CD9: variants seen among roughly 807,000 people sequenced by gnomAD.
CD9 encodes the protein CD9 antigen.
CD9 carries 10 observed loss-of-function variants against 31.4 expected under a neutral mutation model. The observed-to-expected ratio is 0.32, with a 90% confidence interval of 0.20 to 0.54. The LOEUF (loss-of-function observed/expected upper bound fraction) is 0.54. CD9 is among the 20% of genes least tolerant of loss of function. The pLI, the probability that CD9 is intolerant of heterozygous loss-of-function variation, is 0.94. For synonymous variants in CD9, 113 were observed against 114.1 expected, an observed-to-expected ratio of 0.99 and a Z score of 0.06; for missense variants, 259 against 300.1, an observed-to-expected ratio of 0.86 and a Z score of 1.01.
chr12:6,237,698 C>T lies in CD9; in HGVS notation c.622-65C>T, dbSNP rs1447912150. On this transcript the variant is annotated intron_variant, in intron 7 of 7. Coordinates refer to ENST00000009180, the MANE Select transcript of CD9 (RefSeq NM_001769.4). ...CTTGGACTGGGTGACCCATGTCTCTCCCTTTCCCTCAGCCTTCCTTCAGAT... is the reference window on the plus strand; with the variant it reads ...CTTGGACTGGGTGACCCATGTCTCTTCCTTTCCCTCAGCCTTCCTTCAGAT... 9 of 1,244,298 alleles carry T rather than the reference C, an allele frequency of 7.2e-6. No homozygotes were observed. The Admixed American group carries it at 1.6e-4, about 22-fold the overall frequency. The allele number at this position is 1,244,298 out of a possible 1,614,324, so 77.1% of individuals were successfully genotyped here. A position where few individuals can be genotyped will look rare whatever the true frequency, so the allele number is the denominator to read the frequency against.
At chr12:6,209,894 A>G (rs1257329884) in intron 1 of CD9, among the ~76,000 whole-genome samples, 1 of 152,154 alleles carries the variant, frequency 6.6e-6, no homozygotes, top group Non-Finnish European at 1.5e-5. Flanking sequence ...CACGTTGACC[A>G]GGCTGGTCTC....
intron 1 of CD9, among the ~76,000 whole-genome samples, chr12:6,210,967 G>A (rs1946187972): frequency 6.6e-6 from 1 of 151,690 alleles, no homozygotes; most frequent in Non-Finnish European, 1.5e-5. Context: ...CTCCCAAGTA[G>A]CTGGGATTAC....
At chr12:6,230,463 G>T (rs1417195449) in intron 2 of CD9, among the ~76,000 whole-genome samples, 2 of 152,250 alleles carry the variant, frequency 1.3e-5, no homozygotes, top group Non-Finnish European at 2.9e-5. Flanking sequence ...CTGGGATCTG[G>T]ACTTAGAGAA....
chr12:6,213,170 G>A (rs900666553), intron 1 of CD9, among the ~76,000 whole-genome samples: 2 of 152,182 alleles, frequency 1.3e-5, no homozygotes, highest in South Asian at 4.1e-4. Flanking sequence ...TTCTGCTGCT[G>A]TTGCTGTAGT....
chr12:6,225,575 C>A (rs1179391788), intron 2 of CD9, 41 bp downstream of exon 2: 2 of 1,335,514 alleles, frequency 1.5e-6, no homozygotes, highest in East Asian at 2.3e-5. Flanking sequence ...GACCCTGGCT[C>A]CAACAAAGTT....
chr12:6,228,132 T>A lies in CD9; in HGVS notation c.175+2598T>A, dbSNP rs150806877. The stretch of plus-strand genomic sequence containing the variant: ...CTTAGCTCTGCCAGGGAAATACAGA[T>A]CCTTTGCAGCGACACCCCATTCGGG... On this transcript the variant is annotated intron_variant, in intron 2 of 7. Transcript: ENST00000009180. 2.8e-3 allele frequency among the ~76,000 whole-genome samples: 429 copies of A among 152,324 alleles called. 2 individuals carry two copies. Among genetic ancestry groups the A allele is most frequent in the African/African-American group, 9.5e-3 (394 of 41,574 alleles).
chr12:6,219,285 C>A (rs974299638), intron 1 of CD9, among the ~76,000 whole-genome samples: 5 of 152,130 alleles, frequency 3.3e-5, no homozygotes, highest in African/African-American at 1.2e-4. Context: ...GGATTACAGG[C>A]ATGAGCCACC....
intron 1 of CD9, among the ~76,000 whole-genome samples, chr12:6,204,587 A>G (rs1327022062): frequency 3.3e-5 from 5 of 152,086 alleles, no homozygotes; most frequent in Non-Finnish European, 7.4e-5. Flanking sequence ...CGTATACCTT[A>G]GTACTTGGCC....
At chr12:6,209,029 C>G (rs576631872) in intron 1 of CD9, among the ~76,000 whole-genome samples, 2 of 151,674 alleles carry the variant, frequency 1.3e-5, no homozygotes, top group Admixed American at 6.6e-5. Flanking sequence ...AGTGCAGTGG[C>G]GCAATCTTGG....
intron 7 of CD9, among the ~76,000 whole-genome samples, chr12:6,237,558 A>AC (rs905396275): frequency 1.3e-4 from 20 of 151,750 alleles, no homozygotes; most frequent in South Asian, 2.1e-4. Flanking sequence ...CTGACTGCCA[A>AC]CCCCCCCAGA....
At chr12:6,209,898 T>C (rs1219244794) in intron 1 of CD9, among the ~76,000 whole-genome samples, 1 of 152,184 alleles carries the variant, frequency 6.6e-6, no homozygotes, top group Non-Finnish European at 1.5e-5. Context: ...TTGACCAGGC[T>C]GGTCTCGAAC....
At chr12:6,208,054 C>T (rs1214606785) in intron 1 of CD9, among the ~76,000 whole-genome samples, 1 of 151,968 alleles carries the variant, frequency 6.6e-6, no homozygotes, top group Non-Finnish European at 1.5e-5. Context: ...GAAAAACCCC[C>T]TCTCTACTAA....
At chr12:6,205,239 T>G (rs1946118214) in intron 1 of CD9, among the ~76,000 whole-genome samples, 1 of 152,212 alleles carries the variant, frequency 6.6e-6, no homozygotes, top group Non-Finnish European at 1.5e-5. Context: ...CTGCTTCCTT[T>G]GCCCAGGATT....
chr12:6,224,254 T>G (rs1472037867), intron 1 of CD9, among the ~76,000 whole-genome samples: 1 of 152,240 alleles, frequency 6.6e-6, no homozygotes, highest in Non-Finnish European at 1.5e-5. Flanking sequence ...TCACAATCCC[T>G]GCTTTACAGA....
In CD9 at chr12:6,200,470, C is replaced by T. The variant is rs771007086; in HGVS notation, c.-30C>T. The T allele has an allele frequency of 3.2e-6, 5 of 1,553,458 alleles. No individual in the cohort carries two copies. Among genetic ancestry groups the T allele is most frequent in the East Asian group, 2.2e-5 (1 of 44,482 alleles). Reference sequence around the variant, plus strand: ...TGCGCGCGCCCCCCAGTCCCGCACCCGTTCGGCCCAGGCTAAGTTAGCCCT... The same window carrying T: ...TGCGCGCGCCCCCCAGTCCCGCACCTGTTCGGCCCAGGCTAAGTTAGCCCT... On this transcript the variant is annotated 5_prime_UTR_variant, in exon 1 of 8. Coordinates refer to ENST00000009180, the MANE Select transcript of CD9 (RefSeq NM_001769.4).
chr12:6,237,284 C>T (rs1946534169), intron 7 of CD9, among the ~76,000 whole-genome samples: 1 of 151,942 alleles, frequency 6.6e-6, no homozygotes, highest in Non-Finnish European at 1.5e-5. Flanking sequence ...CAAGATATAA[C>T]AATACGTTTT....
Position 6,204,130 on chromosome 12 carries a change from T to A in CD9, c.66+3565T>A, listed in dbSNP as rs1166599479. 3.9e-5 allele frequency among the ~76,000 whole-genome samples: 6 copies of A among 152,344 alleles called. No homozygotes were observed. The South Asian group carries it at 8.3e-4, about 21-fold the overall frequency. ...TTTGAAACCTTGGGTTGGTCACTTC[T>A]GTGCTCTAAGCCTCAGTTTCCTCAT... On this transcript the variant is annotated intron_variant, in intron 1 of 7. Coordinates refer to ENST00000009180, the MANE Select transcript of CD9 (RefSeq NM_001769.4).
rs184650189 is a variant in CD9, at chr12:6,202,404, G to A, written c.66+1839G>A. On this transcript the variant is annotated intron_variant, in intron 1 of 7. Transcript: ENST00000009180. ...AGAAAAGTATGCGGGAAGGCAGCTG[G>A]CCTCACCCACCCTTGAACTTTGGGA... 6.6e-4 allele frequency among the ~76,000 whole-genome samples: 101 copies of A among 152,318 alleles called. 1 individual carries two copies. The highest frequency in any genetic ancestry group is 5.9e-3 in the Admixed American group (90 of 15,306).
chr12:6,233,321 GT>G, intron 3 of CD9, 90 bp from the exon 4 acceptor site: 2 of 902,188 alleles, frequency 2.2e-6, no homozygotes, highest in Non-Finnish European at 3.7e-6. Flanking sequence ...TTCCCAGGGA[GT>G]TGTCCTTCTT....
Sources: allele counts gnomAD v4.1 joint callset (sites outside exome capture counted in the v4.1 genomes callset), GRCh38; gene constraint gnomAD v4.1.1; transcripts MANE v1.5; gene names NCBI Gene and HGNC (gene_info 2026-07-23, HGNC 2026-07-21).